GJC1: variants seen among roughly 807,000 people sequenced by gnomAD.
GJC1 encodes the protein gap junction gamma-1 protein.
In GJC1, 5 loss-of-function variants were observed where a neutral mutation model predicts 29.3. That is an observed-to-expected ratio of 0.17 (90% CI 0.09 to 0.36). GJC1 has a LOEUF of 0.36. GJC1 is among the 10% of genes least tolerant of loss of function. The probability of loss-of-function intolerance (pLI) is 1.00; values close to 1 mark genes in which losing one functional copy is unlikely to be tolerated. For synonymous variants in GJC1, 177 were observed against 183.3 expected (o/e 0.97, Z 0.28); for missense variants, 310 against 496.2 (o/e 0.62, Z 3.56).
At chr17:44,825,514 G>A (rs1397237381) in intron 1 of GJC1, among the ~76,000 whole-genome samples, 1 of 152,094 alleles carries the variant, frequency 6.6e-6, no homozygotes, top group Non-Finnish European at 1.5e-5. Flanking sequence ...CAGACACAGT[G>A]GTTCGCGTCT....
chr17:44,821,884 A>G (rs549719309), intron 1 of GJC1, among the ~76,000 whole-genome samples: 1 of 151,744 alleles, frequency 6.6e-6, no homozygotes, highest in Non-Finnish European at 1.5e-5. Flanking sequence ...AAACAAATAC[A>G]GGGCATTTAT....
chr17:44,796,142 G>C (rs1395861817), downstream of GJC1, among the ~76,000 whole-genome samples: 1 of 152,192 alleles, frequency 6.6e-6, no homozygotes, highest in African/African-American at 2.4e-5. Flanking sequence ...CTAGGGAATG[G>C]GGGCGAAGCA....
upstream of GJC1, chr17:44,830,816 T>C (rs1290748155): frequency 7.5e-6 from 3 of 397,696 alleles, no homozygotes; most frequent in African/African-American, 2.1e-5. The surrounding 1 kb of genome is among the most constrained non-coding windows in gnomAD (Gnocchi z 4.3). Context: ...AGCAGTGCTC[T>C]AGATACTTTT....
In GJC1 at chr17:44,825,519, G is replaced by A. The variant is rs148966132; in HGVS notation, c.-97+4543C>T. 3.7e-3 allele frequency among the ~76,000 whole-genome samples: 568 copies of A among 151,952 alleles called. 4 individuals carry two copies. Among genetic ancestry groups the A allele is most frequent in the African/African-American group, 0.013 (557 of 41,482 alleles). On this transcript the variant is annotated intron_variant, in intron 1 of 2. Transcript: ENST00000592524. ...TAAAAAGGGCCAGACACAGTGGTTC[G>A]CGTCTGTAATCCCAGCACTTTGAGA... is the stretch of plus-strand genomic sequence containing the variant.
In GJC1 at chr17:44,805,986, C is replaced by T. The variant is rs1226342140; in HGVS notation, c.-20-149G>A. ...GTGGAACAAATGTTAGAATAAACAG[C>T]ATCTCAGTTGGGTAGGGTGGCTCAC... On this transcript the variant is annotated intron_variant, in intron 2 of 2. Transcript: ENST00000592524. The surrounding 1 kb of genome is among the most constrained non-coding windows in gnomAD (Gnocchi z 5.1). 8 of 580,252 alleles carry T rather than the reference C, an allele frequency of 1.4e-5. No individual in the cohort carries two copies. The highest frequency in any genetic ancestry group is 4.5e-4 in the Middle Eastern group (1 of 2,220). 35.9% of individuals were successfully genotyped at this position (580,252 alleles called of 1,614,324 possible). A position where few individuals can be genotyped will look rare whatever the true frequency, so the allele number is the denominator to read the frequency against.
chr17:44,821,213 C>T (rs1036448026), intron 1 of GJC1, among the ~76,000 whole-genome samples: 1 of 152,136 alleles, frequency 6.6e-6, no homozygotes, highest in Non-Finnish European at 1.5e-5. Context: ...CACAACATAT[C>T]CTAAGTGGAA....
chr17:44,796,850 G>C (rs7224712), downstream of GJC1, among the ~76,000 whole-genome samples: 3 of 151,844 alleles, frequency 2.0e-5, no homozygotes, highest in Non-Finnish European at 2.9e-5. Flanking sequence ...TATATATATA[G>C]AGAGACAGAC....
rs73307260 is a variant in GJC1, at chr17:44,826,574, A to G, written c.-97+3488T>C. Among the ~76,000 whole-genome samples, 448 of 152,118 alleles carry G rather than the reference A, an allele frequency of 2.9e-3. 3 individuals carry two copies. The highest frequency in any genetic ancestry group is 0.01 in the African/African-American group (421 of 41,516). Reference sequence around the variant, plus strand: ...AAATGCTATCTGCAAAGAGATCATCATATCCTTGTTTTAGGAAAACTCTTT... The same window carrying G: ...AAATGCTATCTGCAAAGAGATCATCGTATCCTTGTTTTAGGAAAACTCTTT... On this transcript the variant is annotated intron_variant, in intron 1 of 2. Coordinates refer to ENST00000592524, the MANE Select transcript of GJC1 (RefSeq NM_005497.4).
chr17:44,830,228 C>CCCGCCGCTGCCGCCG lies in GJC1; in HGVS notation c.-278_-264dup, dbSNP rs1448686218. 1.3e-4 allele frequency: 21 copies of CCCGCCGCTGCCGCCG among 159,030 alleles called. No homozygotes were observed. The highest frequency in any genetic ancestry group is 2.5e-4 in the Non-Finnish European group (19 of 74,888). 9.9% of individuals were successfully genotyped at this position (159,030 alleles called of 1,614,324 possible). ...GTCTCCAGCCGAGGCAGAAGCCGCT[C>CCCGCCGCTGCCGCCG]CCGCCGCTGCCGCCGCCGCCGCCGC... is the stretch of plus-strand genomic sequence containing the variant. On this transcript the variant is annotated 5_prime_UTR_variant, in exon 1 of 3. Coordinates refer to ENST00000592524, the MANE Select transcript of GJC1 (RefSeq NM_005497.4). This position sits in a 1 kb window ranked among gnomAD's most constrained non-coding sequence, Gnocchi z 4.3.
At chr17:44,824,915 GAAA>G (rs552854574) in intron 1 of GJC1, among the ~76,000 whole-genome samples, 2 of 88,714 alleles carry the variant, frequency 2.3e-5, no homozygotes, top group Non-Finnish European at 4.7e-5. Context: ...TTTTGGGGAA[GAAA>G]AAAAAAAAAA....
At chr17:44,823,703 T>C (rs530000083) in intron 1 of GJC1, among the ~76,000 whole-genome samples, 55 of 151,728 alleles carry the variant, frequency 3.6e-4, no homozygotes, top group African/African-American at 1.2e-3. Context: ...ATGCCTGGCC[T>C]TTCTTTCCTT....
intron 1 of GJC1, among the ~76,000 whole-genome samples, chr17:44,819,659 A>ACAAT (rs2050085289): frequency 6.8e-6 from 1 of 146,174 alleles, no homozygotes; most frequent in Non-Finnish European, 1.5e-5. Flanking sequence ...CTCCGTCTCA[A>ACAAT]AAATAAATAA....
intron 1 of GJC1, among the ~76,000 whole-genome samples, chr17:44,828,285 A>G (rs2050196833): frequency 2.0e-5 from 3 of 152,236 alleles, no homozygotes; most frequent in Non-Finnish European, 4.4e-5. Flanking sequence ...TTACAGAGAA[A>G]ATTACCAGGT....
chr17:44,829,103 A>G (rs1398183530), intron 1 of GJC1, among the ~76,000 whole-genome samples: 1 of 151,582 alleles, frequency 6.6e-6, no homozygotes, highest in Non-Finnish European at 1.5e-5. Context: ...TCGATTTCAC[A>G]TCGTCTTGAT....
At position 44,804,557 on chromosome 17, in the gene GJC1, G is replaced by A. The variant is rs747723852; in HGVS notation, c.*70C>T. 1 of 1,181,856 alleles carries A rather than the reference G, an allele frequency of 8.5e-7. No homozygotes were observed. Among genetic ancestry groups the A allele is most frequent in the Non-Finnish European group, 1.2e-6 (1 of 817,604 alleles). 73.2% of individuals were successfully genotyped at this position (1,181,856 alleles called of 1,614,324 possible). A position where few individuals can be genotyped will look rare whatever the true frequency, so the allele number is the denominator to read the frequency against. On this transcript the variant is annotated 3_prime_UTR_variant, in exon 3 of 3. Coordinates refer to ENST00000592524, the MANE Select transcript of GJC1 (RefSeq NM_005497.4). ...AACCAGAGCCAAATGTTTACTCAAT[G>A]GAAGTCATTATTCAGTGAGCTGCTG...
chr17:44,797,012 A>G (rs1169491370), downstream of GJC1, among the ~76,000 whole-genome samples: 1 of 152,010 alleles, frequency 6.6e-6, no homozygotes, highest in Non-Finnish European at 1.5e-5. Context: ...ATGCCTAGCT[A>G]ATTTTTTGCT....
At chr17:44,795,990 C>T (rs937795726), downstream of GJC1, among the ~76,000 whole-genome samples, 1 of 152,214 alleles carries the variant, frequency 6.6e-6, no homozygotes, top group Non-Finnish European at 1.5e-5. Context: ...GGAGTCCGGC[C>T]GCTTGGCGGC....
chr17:44,811,981 C>A (rs528440161), intron 1 of GJC1, among the ~76,000 whole-genome samples: 21 of 144,040 alleles, frequency 1.5e-4, no homozygotes, highest in South Asian at 8.8e-4. Context: ...CCGGCCTGGG[C>A]AAGAACAAAA....
chr17:44,809,484 T>C (rs2049948629), intron 1 of GJC1, among the ~76,000 whole-genome samples: 1 of 152,228 alleles, frequency 6.6e-6, no homozygotes, highest in African/African-American at 2.4e-5. Flanking sequence ...AAATTTCTAT[T>C]TGTTCCAATA....
Sources: gnomAD v4.1 joint callset for allele counts (sites outside exome capture counted in the v4.1 genomes callset) on GRCh38, gnomAD v4.1.1 for gene constraint, Gnocchi (gnomAD v3.1) non-coding constraint, MANE v1.5 for transcripts, NCBI Gene and HGNC (gene_info 2026-07-23, HGNC 2026-07-21) for gene names.